Variants in REL observed in about 807,000 individuals in gnomAD.
REL encodes proto-oncogene c-Rel.
Under a neutral mutation model 45.9 loss-of-function variants are expected in REL, and 15 were observed. The ratio of observed to expected loss-of-function variants is 0.33; its 90% CI spans 0.22 to 0.50. The LOEUF (loss-of-function observed/expected upper bound fraction) is 0.50. REL is among the 20% of genes least tolerant of loss of function. The pLI, the probability that REL is intolerant of heterozygous loss-of-function variation, is 0.98. For missense variants in REL, 601 were observed against 715.2 expected, an observed-to-expected ratio of 0.84 and a Z score of 1.82; for synonymous variants, 239 against 242.1, an observed-to-expected ratio of 0.99 and a Z score of 0.12.
At chr2:60,907,928 G>A (rs372561089) in intron 4 of REL, among the ~76,000 whole-genome samples, 1 of 151,810 alleles carries the variant, frequency 6.6e-6, no homozygotes, top group South Asian at 2.1e-4. Flanking sequence ...TCCTGATCTC[G>A]TGTTCCGTCC....
chr2:60,899,881 A>G (rs934316078), intron 3 of REL: 3 of 152,418 alleles, frequency 2.0e-5, no homozygotes, highest in African/African-American at 7.2e-5. Flanking sequence ...TATTGTTAGC[A>G]TTAAACTTCT....
intron 1 of REL, among the ~76,000 whole-genome samples, chr2:60,884,038 C>G (rs1573308318): frequency 7.6e-6 from 1 of 132,404 alleles, no homozygotes; most frequent in Non-Finnish European, 1.6e-5. Context: ...GAAAAAGATT[C>G]ACTAATAAAA....
rs1031566777 is a variant in REL at position 60,881,618 on chromosome 2, G to T, written c.-223G>T. ...GCCCCCTGCCCCTGGCTCCCGTACGGTGGACGGCGACGCTGGGTGACCCGG... is the reference window on the plus strand; with the variant it reads ...GCCCCCTGCCCCTGGCTCCCGTACGTTGGACGGCGACGCTGGGTGACCCGG... On this transcript the variant is annotated 5_prime_UTR_variant, in exon 1 of 10. Transcript: ENST00000394479. 16 of 522,572 alleles carry T rather than the reference G, an allele frequency of 3.1e-5. No homozygotes were observed. Among genetic ancestry groups the T allele is most frequent in the Middle Eastern group, 5.1e-4 (1 of 1,974 alleles). 32.4% of individuals were successfully genotyped at this position (522,572 alleles called of 1,614,324 possible).
intron 4 of REL, among the ~76,000 whole-genome samples, chr2:60,913,477 T>C (rs1007024951): frequency 6.6e-6 from 1 of 152,166 alleles, no homozygotes; most frequent in African/African-American, 2.4e-5. Context: ...AAGTTGGGCT[T>C]TCATCCCTGA....
intron 4 of REL, among the ~76,000 whole-genome samples, chr2:60,915,322 T>C (rs1673935547): frequency 6.6e-6 from 1 of 152,226 alleles, no homozygotes; most frequent in Non-Finnish European, 1.5e-5. Context: ...GCTACATTTA[T>C]AATGCTGTAA....
At chr2:60,882,403 G>T (rs1425262140) in intron 1 of REL, among the ~76,000 whole-genome samples, 2 of 152,118 alleles carry the variant, frequency 1.3e-5, no homozygotes, top group Non-Finnish European at 2.9e-5. Context: ...GGCCGGGCGC[G>T]GTGGCTCATG....
In REL at chr2:60,930,288, C is replaced by T. The variant is rs1288448767; in HGVS notation, c.*7753C>T. Reference sequence around the variant, plus strand: ...CGGATTAATCTTTAATTTAGATACTCCTTCTAGTTATCTAATACACAGCAG... The same window carrying T: ...CGGATTAATCTTTAATTTAGATACTTCTTCTAGTTATCTAATACACAGCAG... On this transcript the variant is annotated 3_prime_UTR_variant, in exon 10 of 10. Transcript: ENST00000394479. The T allele has an allele frequency of 1.3e-5, 2 of 152,294 alleles. No individual in the cohort carries two copies. The highest frequency in any genetic ancestry group is 4.8e-5 in the African/African-American group (2 of 41,446). The allele number at this position is 152,294 out of a possible 1,614,324, so 9.4% of individuals were successfully genotyped here.
At chr2:60,920,545 T>G (rs754256932) in intron 8 of REL, 29 bp from the exon 9 acceptor site, 1 of 1,509,570 alleles carries the variant, frequency 6.6e-7, no homozygotes, top group African/African-American at 1.4e-5. Flanking sequence ...CAAATGACAT[T>G]TAATAATGGA....
intron 1 of REL, among the ~76,000 whole-genome samples, chr2:60,886,570 AAAGTT>A (rs1453957116): frequency 2.0e-5 from 3 of 152,170 alleles, no homozygotes; most frequent in Non-Finnish European, 2.9e-5. Flanking sequence ...AATGGAGATT[AAAGTT>A]AAGAGGATCA....
chr2:60,908,982 A>G (rs1673732696), intron 4 of REL, among the ~76,000 whole-genome samples: 1 of 152,300 alleles, frequency 6.6e-6, no homozygotes, highest in Admixed American at 6.5e-5. Flanking sequence ...AGTTTGAAAA[A>G]ATGGCTCATG....
chr2:60,882,101 A>C (rs1487211813), intron 1 of REL, among the ~76,000 whole-genome samples: 1 of 152,214 alleles, frequency 6.6e-6, no homozygotes, highest in East Asian at 1.9e-4. Context: ...ACTTGATTTT[A>C]GGATTAGGGA....
intron 3 of REL, chr2:60,900,527 CTT>C (rs963008787): frequency 2.3e-4 from 34 of 147,120 alleles, no homozygotes; most frequent in South Asian, 6.3e-4. Flanking sequence ...AACCCCACTT[CTT>C]TTTTTTTTTT....
At chr2:60,894,854 T>C (rs1401609988) in intron 3 of REL, among the ~76,000 whole-genome samples, 3 of 147,724 alleles carry the variant, frequency 2.0e-5, no homozygotes, top group Non-Finnish European at 4.5e-5. Flanking sequence ...ACTCTGTCTT[T>C]TTTTTTTTTT....
At chr2:60,910,922 ACT>A (rs1673796270) in intron 4 of REL, among the ~76,000 whole-genome samples, 1 of 152,048 alleles carries the variant, frequency 6.6e-6, no homozygotes, top group South Asian at 2.1e-4. Flanking sequence ...ACAGAGTGAG[ACT>A]CTGTCTCAAA....
chr2:60,904,405 TA>T (rs34507093), intron 4 of REL, among the ~76,000 whole-genome samples: 26,234 of 127,104 alleles, frequency 0.21, 2,640 homozygotes, highest in Middle Eastern at 0.4. Context: ...CTGTCTCAAT[TA>T]AAAAAAAAAA....
intron 2 of REL, among the ~76,000 whole-genome samples, chr2:60,892,451 G>A (rs899850654): frequency 2.0e-5 from 3 of 151,914 alleles, no homozygotes; most frequent in African/African-American, 4.8e-5. Context: ...TTTTTGAGAC[G>A]GAGTTTCACA....
chr2:60,884,974 C>T (rs938056475), intron 1 of REL, among the ~76,000 whole-genome samples: 7 of 151,882 alleles, frequency 4.6e-5, no homozygotes, highest in Non-Finnish European at 1.0e-4. Context: ...AAGTAAAATG[C>T]CACACATGAG....
At chr2:60,885,435 G>GA (rs568326521) in intron 1 of REL, among the ~76,000 whole-genome samples, 83 of 152,028 alleles carry the variant, frequency 5.5e-4, no homozygotes, top group Non-Finnish European at 1.1e-3. Flanking sequence ...GTTTTTTCAA[G>GA]ACTTACCTTT....
chr2:60,913,472 G>A (rs536790239), intron 4 of REL, among the ~76,000 whole-genome samples: 189 of 152,112 alleles, frequency 1.2e-3, no homozygotes, highest in African/African-American at 4.2e-3. Flanking sequence ...ATTTGAAGTT[G>A]GGCTTTCATC....
Sources: gnomAD v4.1 joint callset for allele counts (sites outside exome capture counted in the v4.1 genomes callset) on GRCh38, gnomAD v4.1.1 for gene constraint, MANE v1.5 for transcripts, NCBI Gene and HGNC (gene_info 2026-07-23, HGNC 2026-07-21) for gene names.